Variants in PDE4D observed in about 807,000 individuals in gnomAD.
PDE4D encodes the protein phosphodiesterase 4D.
Under a neutral mutation model 87.4 loss-of-function variants are expected in PDE4D, and 24 were observed. That is an observed-to-expected ratio of 0.27 (90% CI 0.20 to 0.39). The LOEUF is 0.39. PDE4D is among the 10% of genes least tolerant of loss of function. The pLI, the probability that PDE4D is intolerant of heterozygous loss-of-function variation, is 1.00. For synonymous variants in PDE4D, 384 were observed against 383.2 expected, an observed-to-expected ratio of 1.00 and a Z score of -0.02; for missense variants, 714 against 1,041.0, an observed-to-expected ratio of 0.69 and a Z score of 4.32.
intron 1 of PDE4D, among the ~76,000 whole-genome samples, chr5:59,758,700 T>G (rs1002158803): frequency 1.3e-5 from 2 of 152,156 alleles, no homozygotes; most frequent in Non-Finnish European, 2.9e-5. Flanking sequence ...ATACCTTCAT[T>G]CTGAAGGCCC....
At chr5:59,088,811 A>T (rs1365859590) in intron 5 of PDE4D, among the ~76,000 whole-genome samples, 1 of 152,198 alleles carries the variant, frequency 6.6e-6, no homozygotes, top group Non-Finnish European at 1.5e-5. Flanking sequence ...GAGGAGTGAG[A>T]GGATCAGGAA....
At chr5:59,357,545 A>T (rs947708261) in intron 1 of PDE4D, among the ~76,000 whole-genome samples, 42 of 152,200 alleles carry the variant, frequency 2.8e-4, no homozygotes, top group African/African-American at 9.4e-4. Context: ...CTTTGCCCTC[A>T]AGGAGATGCT....
intron 1 of PDE4D, among the ~76,000 whole-genome samples, chr5:59,328,085 A>G (rs762660527): frequency 3.3e-5 from 5 of 152,324 alleles, no homozygotes; most frequent in Middle Eastern, 3.4e-3. Context: ...AGAAAAATAT[A>G]TAACAAAAAT....
chr5:59,547,081 C>A (rs1254170878), intron 1 of PDE4D, among the ~76,000 whole-genome samples: 1 of 152,102 alleles, frequency 6.6e-6, no homozygotes, highest in African/African-American at 2.4e-5. Context: ...CTATGTTCAT[C>A]CATTAATAGG....
chr5:60,345,449 TA>T (rs1217884789), intron 1 of PDE4D, among the ~76,000 whole-genome samples: 1 of 146,772 alleles, frequency 6.8e-6, no homozygotes, highest in East Asian at 2.0e-4. Context: ...AGTATAATAA[TA>T]AATAAATAAA....
At chr5:60,508,931 G>A (rs1750443733) in intron 1 of PDE4D, among the ~76,000 whole-genome samples, 2 of 148,506 alleles carry the variant, frequency 1.3e-5, no homozygotes, top group African/African-American at 5.0e-5. Context: ...ACACAGTCTT[G>A]CTCTGTCATC....
chr5:59,649,929 T>TTTTTTTTTTTTTTTTTTTTTTTTTC (rs1743160847), intron 1 of PDE4D, among the ~76,000 whole-genome samples: 1 of 140,068 alleles, frequency 7.1e-6, no homozygotes, highest in Non-Finnish European at 1.5e-5. Context: ...TTTTTTTTTT[T>TTTTTTTTTTTTTTTTTTTTTTTTTC]TTTAGCAATG....
chr5:59,324,781 G>A (rs1775348727), intron 1 of PDE4D, among the ~76,000 whole-genome samples: 1 of 152,096 alleles, frequency 6.6e-6, no homozygotes, highest in African/African-American at 2.4e-5. Flanking sequence ...AGCCAGTTAA[G>A]TTACAACTTT....
chr5:59,043,963 C>T (rs1760187622), intron 5 of PDE4D, among the ~76,000 whole-genome samples: 1 of 152,162 alleles, frequency 6.6e-6, no homozygotes, highest in Non-Finnish European at 1.5e-5. Flanking sequence ...CATTGATGGA[C>T]ATTTGGGTTG....
intron 6 of PDE4D, among the ~76,000 whole-genome samples, chr5:59,001,067 G>A (rs1750439573): frequency 1.3e-5 from 2 of 152,150 alleles, no homozygotes; most frequent in South Asian, 4.1e-4. Flanking sequence ...TTGAGCTCAA[G>A]AGTAATCAGA....
At chr5:60,133,842 C>A (rs986165284) in intron 2 of PDE4D, among the ~76,000 whole-genome samples, 1 of 152,100 alleles carries the variant, frequency 6.6e-6, no homozygotes, top group Non-Finnish European at 1.5e-5. Flanking sequence ...TAGTTTTTAA[C>A]CTGGAGTCCA....
chr5:60,080,123 A>G (rs1773762738), intron 2 of PDE4D, among the ~76,000 whole-genome samples: 1 of 151,310 alleles, frequency 6.6e-6, no homozygotes, highest in Admixed American at 6.6e-5. Context: ...TAGGTATTTT[A>G]CTCTCTTTGT....
intron 1 of PDE4D, among the ~76,000 whole-genome samples, chr5:60,451,682 G>C (rs1213103740): frequency 6.6e-6 from 1 of 152,078 alleles, no homozygotes; most frequent in Admixed American, 6.6e-5. Flanking sequence ...TTTGAATGGA[G>C]TTGAGAGATT....
At chr5:60,074,667 CT>C (rs930849212) in intron 2 of PDE4D, among the ~76,000 whole-genome samples, 2 of 152,166 alleles carry the variant, frequency 1.3e-5, no homozygotes, top group African/African-American at 4.8e-5. Context: ...TAAAAACTTG[CT>C]TTATAAATCT....
At chr5:59,307,134 T>C (rs1283017607) in intron 1 of PDE4D, among the ~76,000 whole-genome samples, 1 of 108,026 alleles carries the variant, frequency 9.3e-6, no homozygotes, top group Non-Finnish European at 1.8e-5. Context: ...TAATAAACGG[T>C]TCTGGGAAAA....
At chr5:60,170,306 G>T (rs1465489162) in intron 2 of PDE4D, among the ~76,000 whole-genome samples, 1 of 151,878 alleles carries the variant, frequency 6.6e-6, no homozygotes, top group African/African-American at 2.4e-5. Flanking sequence ...GCTCAGCTTG[G>T]TAAAGTAATG....
At chr5:60,483,811 C>T (rs1276677761) in intron 1 of PDE4D, among the ~76,000 whole-genome samples, 1 of 152,110 alleles carries the variant, frequency 6.6e-6, no homozygotes, top group African/African-American at 2.4e-5. Flanking sequence ...CATTTTAATA[C>T]GTTTTACTTA....
intron 1 of PDE4D, among the ~76,000 whole-genome samples, chr5:60,285,155 T>C (rs1752300049): frequency 6.6e-6 from 1 of 152,160 alleles, no homozygotes; most frequent in African/African-American, 2.4e-5. Flanking sequence ...ACATAAACAC[T>C]TCTCTTTACT....
chr5:60,378,492 T>G (rs570878628), intron 1 of PDE4D, among the ~76,000 whole-genome samples: 1 of 152,292 alleles, frequency 6.6e-6, no homozygotes, highest in East Asian at 1.9e-4. Context: ...CTGTTTGGCT[T>G]ATTCCCTCAG....
Sources: allele counts gnomAD v4.1 joint callset (sites outside exome capture counted in the v4.1 genomes callset), GRCh38; gene constraint gnomAD v4.1.1; transcripts MANE v1.5; gene names NCBI Gene and HGNC (gene_info 2026-07-23, HGNC 2026-07-21).